The following WDR26 variants were observed in gnomAD, a reference collection of about 807,000 sequenced individuals.
WDR26 encodes WD repeat-containing protein 26.
A neutral mutation model predicts 84.1 loss-of-function variants in WDR26; 5 were observed. That is an observed-to-expected ratio of 0.06 (90% CI 0.03 to 0.13). WDR26 has a LOEUF of 0.13. WDR26 is among the 10% of genes least tolerant of loss of function. WDR26 has a pLI of 1.00. For synonymous variants in WDR26, 415 were observed against 389.6 expected, an observed-to-expected ratio of 1.07 and a Z score of -0.77; for missense variants, 642 against 974.9, an observed-to-expected ratio of 0.66 and a Z score of 4.55.
At chr1:224,403,127 C>G (rs1016228087) in intron 8 of WDR26, among the ~76,000 whole-genome samples, 1 of 151,618 alleles carries the variant, frequency 6.6e-6, no homozygotes, top group Admixed American at 6.6e-5. Flanking sequence ...TGCAGTGGCA[C>G]GATCCCAGCC....
At chr1:224,411,859 C>A (rs2102905697) in intron 6 of WDR26, among the ~76,000 whole-genome samples, 1 of 152,178 alleles carries the variant, frequency 6.6e-6, no homozygotes, top group Admixed American at 6.5e-5. Flanking sequence ...ACCTGTGACA[C>A]CAGGCCCAGC....
chr1:224,426,163 T>C (rs961397709), intron 3 of WDR26, among the ~76,000 whole-genome samples: 5 of 152,098 alleles, frequency 3.3e-5, no homozygotes, highest in African/African-American at 1.2e-4. Context: ...CGGCCCAAAA[T>C]GCTTACTTTA....
chr1:224,420,494 G>A (rs1674027618), intron 4 of WDR26, among the ~76,000 whole-genome samples: 2 of 152,168 alleles, frequency 1.3e-5, no homozygotes, highest in Admixed American at 1.3e-4. Context: ...ATAGGGTAAT[G>A]AGGATTCTTG....
At chr1:224,413,134 A>G (rs1185648724) in intron 6 of WDR26, 4 of 269,282 alleles carry the variant, frequency 1.5e-5, no homozygotes, top group Non-Finnish European at 2.5e-5. Context: ...GGTTGCAGTG[A>G]GCCAAGATCA....
intron 3 of WDR26, 140 bp from the exon 4 acceptor site, chr1:224,424,794 A>G: frequency 3.6e-6 from 4 of 1,100,568 alleles, no homozygotes. Flanking sequence ...ATGACTCAAA[A>G]TATTTTAGTT....
intron 6 of WDR26, among the ~76,000 whole-genome samples, chr1:224,414,727 C>T (rs972572694): frequency 1.3e-5 from 2 of 152,046 alleles, no homozygotes; most frequent in South Asian, 4.2e-4. Flanking sequence ...TACCTGTAAC[C>T]CTAGCACTTT....
In WDR26 at chr1:224,431,558, T is replaced by C. The variant is rs372797822; in HGVS notation, c.846A>G (p.Leu282=). The change falls in exon 3 of 14, where the codon CTA becomes CTG. Residue 282 remains leucine, a synonymous_variant. Transcript: ENST00000414423. ...CATGAGGAGAATGCACTAAAGGCTTTAGTTCATTCAGGTCATTTTCTGCCT... is the reference window on the plus strand; with the variant it reads ...CATGAGGAGAATGCACTAAAGGCTTCAGTTCATTCAGGTCATTTTCTGCCT... 3 of 1,613,868 alleles carry C rather than the reference T, an allele frequency of 1.9e-6. No homozygotes were observed. Among genetic ancestry groups the C allele is most frequent in the African/African-American group, 2.7e-5 (2 of 74,938 alleles).
chr1:224,405,726 C>T (rs756457868), intron 7 of WDR26, among the ~76,000 whole-genome samples: 1 of 152,162 alleles, frequency 6.6e-6, no homozygotes, highest in South Asian at 2.1e-4. Context: ...CACTTAAAAG[C>T]CCATATTGTA....
intron 6 of WDR26, among the ~76,000 whole-genome samples, chr1:224,417,911 G>C (rs1308386313): frequency 6.6e-6 from 1 of 152,086 alleles, no homozygotes; most frequent in East Asian, 1.9e-4. Flanking sequence ...TTTAGAGCCT[G>C]TCTTCTACTA....
chr1:224,433,630 G>T lies in WDR26; in HGVS notation c.722+54C>A, dbSNP rs1253166866. 12 of 1,031,870 alleles carry T rather than the reference G, an allele frequency of 1.2e-5. No homozygotes were observed. The Admixed American group carries it at 1.2e-4, about 11-fold the overall frequency. The allele number at this position is 1,031,870 out of a possible 1,614,324, so 63.9% of individuals were successfully genotyped here. A position where few individuals can be genotyped will look rare whatever the true frequency, so the allele number is the denominator to read the frequency against. On this transcript the variant is annotated intron_variant, in intron 1 of 13. Transcript: ENST00000414423. ...CCTCCGCCCCTTCCCCTACCCCCCT[G>T]GAGCCTCCGTCCCTCGGTCTGTCCA...
intron 5 of WDR26, 38 bp from the exon 6 acceptor site, chr1:224,418,454 T>A: frequency 1.3e-6 from 2 of 1,537,160 alleles, no homozygotes; most frequent in Non-Finnish European, 1.8e-6. Context: ...GAAATAATAA[T>A]AAACTGTAAA....
rs12025064 is a variant in WDR26 at position 224,400,119 on chromosome 1, T to C, written c.1719+831A>G. 1.5e-3 allele frequency among the ~76,000 whole-genome samples: 232 copies of C among 152,306 alleles called. 4 individuals carry two copies. In the East Asian group the frequency reaches 0.04, roughly 26 times the overall value. On this transcript the variant is annotated intron_variant, in intron 9 of 13. Coordinates refer to ENST00000414423, the MANE Select transcript of WDR26 (RefSeq NM_001379403.1). ...TGATTTATGATATAAATGATACTTA[T>C]GATATAAAGTTTACCTTGCCATAAA... is the stretch of plus-strand genomic sequence containing the variant.
chr1:224,393,722 A>G, intron 13 of WDR26, 106 bp downstream of exon 13: 1 of 958,728 alleles, frequency 1.0e-6, no homozygotes, highest in Non-Finnish European at 1.5e-6. Flanking sequence ...GAGAGAAATC[A>G]TATACCACAC....
chr1:224,420,103 C>T (rs1255064612), intron 4 of WDR26, among the ~76,000 whole-genome samples: 1 of 152,128 alleles, frequency 6.6e-6, no homozygotes, highest in Non-Finnish European at 1.5e-5. Context: ...TAAAATAAAA[C>T]TCAAAGAACA....
intron 9 of WDR26, 44 bp from the exon 10 acceptor site, chr1:224,399,078 C>T (rs762560701): frequency 1.4e-6 from 2 of 1,433,282 alleles, no homozygotes; most frequent in Non-Finnish European, 9.2e-7. Flanking sequence ...CTCAACAGCA[C>T]TCAGAAAGCA....
intron 8 of WDR26, among the ~76,000 whole-genome samples, chr1:224,403,976 C>A (rs1459032748): frequency 1.3e-5 from 2 of 152,086 alleles, no homozygotes; most frequent in Non-Finnish European, 2.9e-5. Flanking sequence ...GCAATAAAGC[C>A]CTTAGGAATA....
In WDR26 at chr1:224,434,308, G is replaced by A. The variant is rs1214448482; in HGVS notation, c.98C>T (p.Ala33Val). The change falls in exon 1 of 14, where the codon GCC (alanine) becomes GTC (valine). Residue 33 changes from alanine to valine, a missense_variant. By Grantham distance (64) the Ala-to-Val change is moderately conservative. This residue lies in a region of WDR26 where 291 missense variants were observed against 302.1 expected (regional missense o/e 0.96). Transcript: ENST00000414423. ...CTCTCCTACTCCCTCCGCCGCCGAG[G>A]CTCGGGGTTTCTTCCGCGGGGGCGG... is the stretch of plus-strand genomic sequence containing the variant. 3.2e-6 allele frequency: 4 copies of A among 1,233,000 alleles called. No homozygotes were observed. In the African/African-American group the frequency reaches 4.7e-5, roughly 14 times the overall value. The allele number at this position is 1,233,000 out of a possible 1,614,324, so 76.4% of individuals were successfully genotyped here. A position where few individuals can be genotyped will look rare whatever the true frequency, so the allele number is the denominator to read the frequency against.
intron 3 of WDR26, among the ~76,000 whole-genome samples, chr1:224,425,890 C>A (rs1674196258): frequency 6.6e-6 from 1 of 151,902 alleles, no homozygotes; most frequent in Non-Finnish European, 1.5e-5. Flanking sequence ...GACAGAGTCT[C>A]ACTGTGGCCC....
At chr1:224,398,025 T>A in intron 12 of WDR26, 72 bp downstream of exon 12, 1 of 1,560,952 alleles carries the variant, frequency 6.4e-7, no homozygotes, top group South Asian at 1.2e-5. Flanking sequence ...CTTGGAGACA[T>A]GACTGCCTTC....
Sources: gnomAD v4.1 joint callset for allele counts (sites outside exome capture counted in the v4.1 genomes callset) on GRCh38, gnomAD v4.1.1 for gene constraint, gnomAD v4.1.1 regional missense constraint, MANE v1.5 for transcripts, NCBI Gene and HGNC (gene_info 2026-07-23, HGNC 2026-07-21) for gene names.